EP300: variants seen among roughly 807,000 people sequenced by gnomAD.
EP300 encodes histone acetyltransferase p300.
Under a neutral mutation model 264.0 loss-of-function variants are expected in EP300, and 31 were observed. That is an observed-to-expected ratio of 0.12 (90% confidence interval 0.09 to 0.16). The LOEUF is 0.16. Ranked by LOEUF, EP300 falls within the 10% of genes least tolerant of loss-of-function variation. The pLI is 1.00. For missense variants in EP300, 2,766 were observed against 3,052.9 expected, an observed-to-expected ratio of 0.91 and a Z score of 2.21; for synonymous variants, 1,340 against 1,045.4, an observed-to-expected ratio of 1.28 and a Z score of -5.44.
At chr22:41,170,062 T>C (rs2059161126) in intron 26 of EP300, among the ~76,000 whole-genome samples, 1 of 152,388 alleles carries the variant, frequency 6.6e-6, no homozygotes, top group Admixed American at 6.5e-5. Context: ...TTAGCTCTTG[T>C]TAAATGGGTC....
chr22:41,100,086 A>T (rs1216488463), intron 1 of EP300, among the ~76,000 whole-genome samples: 4 of 152,138 alleles, frequency 2.6e-5, no homozygotes, highest in African/African-American at 9.7e-5. Context: ...TTAAAAAGTC[A>T]GCAAGGCATG....
At chr22:41,100,042 C>T (rs1419683707) in intron 1 of EP300, among the ~76,000 whole-genome samples, 1 of 152,006 alleles carries the variant, frequency 6.6e-6, no homozygotes, top group Non-Finnish European at 1.5e-5. Context: ...TGTAGTGGGA[C>T]CCCCCATCCC....
Position 41,093,025 on chromosome 22 carries a change from A to T in EP300, c.21A>T (p.Glu7Asp). MAENVVEPGPPSAKRPK... is the reference protein window; with the variant it reads MAENVVDPGPPSAKRPK... ...TAAAAATGGCCGAGAATGTGGTGGAACCGGGGCCGCCTTCAGCCAAGCGGC... is the reference window on the plus strand; with the variant it reads ...TAAAAATGGCCGAGAATGTGGTGGATCCGGGGCCGCCTTCAGCCAAGCGGC... The change falls in exon 1 of 31, where the codon GAA becomes GAT. Residue 7 changes from glutamate (E) to aspartate (D), a missense_variant. Physicochemically the swap from Glu to Asp is conservative, Grantham distance 45. Transcript: ENST00000263253. The T allele has an allele frequency of 6.2e-7, 1 of 1,613,862 alleles. No individual in the cohort carries two copies. The highest frequency in any genetic ancestry group is 8.5e-7 in the Non-Finnish European group (1 of 1,179,950).
At chr22:41,124,250 C>T (rs567816559) in intron 2 of EP300, among the ~76,000 whole-genome samples, 2 of 152,066 alleles carry the variant, frequency 1.3e-5, no homozygotes, top group Non-Finnish European at 2.9e-5. Flanking sequence ...GTCTCAAAAA[C>T]AGAGAAGTAC....
At chr22:41,111,992 A>G (rs1302158718) in intron 1 of EP300, among the ~76,000 whole-genome samples, 2 of 136,260 alleles carry the variant, frequency 1.5e-5, no homozygotes, top group East Asian at 2.3e-4. Flanking sequence ...GGTTCACGCC[A>G]TCCTCCTGCC....
At chr22:41,158,100 C>CT (rs1313066048) in intron 18 of EP300, among the ~76,000 whole-genome samples, 1 of 152,136 alleles carries the variant, frequency 6.6e-6, no homozygotes, top group Non-Finnish European at 1.5e-5. Context: ...CTAAGCTGGT[C>CT]TGGAACTCTT....
In EP300 at chr22:41,118,649, A is replaced by T. The variant is rs545183097; in HGVS notation, c.729+828A>T. On this transcript the variant is annotated intron_variant, in intron 2 of 30. Transcript: ENST00000263253. ...TGTAACAGGAATAATTTGAGCAGACATCAGGACTTCTGTGTTCCTGAGAAT... is the reference window on the plus strand; with the variant it reads ...TGTAACAGGAATAATTTGAGCAGACTTCAGGACTTCTGTGTTCCTGAGAAT... 3.3e-5 allele frequency among the ~76,000 whole-genome samples: 5 copies of T among 152,330 alleles called. No individual in the cohort carries two copies. The South Asian group carries it at 8.3e-4, about 25-fold the overall frequency.
Position 41,178,694 on chromosome 22 carries a change from C to T in EP300, c.6983C>T (p.Ser2328Phe). 1.2e-6 allele frequency: 2 copies of T among 1,614,192 alleles called. No homozygotes were observed. The highest frequency in any genetic ancestry group is 1.7e-6 in the Non-Finnish European group (2 of 1,180,040). ...PQSQPPHSSP[S>F]PRMQPQPSPH... The stretch of plus-strand genomic sequence containing the variant: ...TCCCAGCCCCCCCACTCCAGTCCTT[C>T]CCCAAGGATGCAGCCTCAGCCTTCT... The change falls in exon 31 of 31, where the codon TCC becomes TTC. Residue 2328 changes from serine to phenylalanine, a missense_variant. Coordinates refer to ENST00000263253, the MANE Select transcript of EP300 (RefSeq NM_001429.4).
intron 2 of EP300, 46 bp downstream of exon 2, chr22:41,117,867 T>C (rs931152644): frequency 2.5e-6 from 4 of 1,611,872 alleles, no homozygotes; most frequent in Non-Finnish European, 2.5e-6. Context: ...TGCATGTGAG[T>C]ATTGTCATGA....
intron 2 of EP300, among the ~76,000 whole-genome samples, chr22:41,121,205 T>C (rs1243296152): frequency 1.3e-5 from 2 of 152,232 alleles, no homozygotes; most frequent in Non-Finnish European, 2.9e-5. Flanking sequence ...GACGCATTTC[T>C]TGTAGCTGCC....
chr22:41,154,263 A>G (rs1439341762), intron 16 of EP300, among the ~76,000 whole-genome samples: 4 of 152,060 alleles, frequency 2.6e-5, no homozygotes, highest in Non-Finnish European at 5.9e-5. Flanking sequence ...GTAGTATAAG[A>G]CAATACCTGA....
At chr22:41,172,726 A>T (rs909392417) in intron 28 of EP300, 63 bp downstream of exon 28, 1 of 1,538,484 alleles carries the variant, frequency 6.5e-7, no homozygotes, top group South Asian at 1.2e-5. Flanking sequence ...CCAGAAGTGC[A>T]CTTAAACTTT....
chr22:41,173,912 G>C, intron 29 of EP300, 128 bp downstream of exon 29: 2 of 1,030,792 alleles, frequency 1.9e-6, no homozygotes, highest in Non-Finnish European at 3.0e-6. Flanking sequence ...AGGAGTTCAA[G>C]ACCAGCCTGA....
chr22:41,098,290 GGT>G (rs1456006763), intron 1 of EP300, among the ~76,000 whole-genome samples: 5 of 152,100 alleles, frequency 3.3e-5, no homozygotes, highest in African/African-American at 1.2e-4. Context: ...TAATAATTGA[GGT>G]GTTAAGCCTC....
At chr22:41,164,206 T>TTG in intron 22 of EP300, 76 bp downstream of exon 22, 3 of 1,264,320 alleles carry the variant, frequency 2.4e-6, no homozygotes, top group Non-Finnish European at 3.5e-6. Flanking sequence ...TTCTATGCAA[T>TTG]TGACTGTATT....
chr22:41,177,613 A>C lies in EP300; in HGVS notation c.5902A>C (p.Asn1968His). 1 of 1,614,122 alleles carries C rather than the reference A, an allele frequency of 6.2e-7. No individual in the cohort carries two copies. Among genetic ancestry groups the C allele is most frequent in the Non-Finnish European group, 8.5e-7 (1 of 1,180,020 alleles). The change falls in exon 31 of 31, where the codon AAC becomes CAC. Residue 1968 changes from asparagine (N) to histidine (H), a missense_variant. Physicochemically the swap from Asn to His is moderately conservative, Grantham distance 68 (BLOSUM62 1). Coordinates refer to ENST00000263253, the MANE Select transcript of EP300 (RefSeq NM_001429.4). ...PMTPMAPMGM[N>H]PPPMTRGPSG... ...GACTCCCATGGCCCCCATGGGTATGAACCCACCTCCCATGACCAGAGGTCC... is the reference window on the plus strand; with the variant it reads ...GACTCCCATGGCCCCCATGGGTATGCACCCACCTCCCATGACCAGAGGTCC...
intron 2 of EP300, among the ~76,000 whole-genome samples, chr22:41,123,681 A>G (rs547079509): frequency 2.0e-5 from 3 of 152,304 alleles, no homozygotes; most frequent in African/African-American, 4.8e-5. Flanking sequence ...TGTTTGCTCA[A>G]TGTTTCTAGT....
rs756515164 is a variant in EP300, at chr22:41,177,329, C to T, written c.5618C>T (p.Ser1873Phe). ...PTTPQTPQPTSQPQPTPPNSM... is the reference protein window; with the variant it reads ...PTTPQTPQPTFQPQPTPPNSM... ...ACCCCGCAGACGCCCCAGCCCACTT[C>T]TCAGCCTCAGCCTACCCCTCCCAAT... The change falls in exon 31 of 31, where the codon TCT becomes TTT. Residue 1873 changes from serine to phenylalanine, a missense_variant. Ser to Phe is a radical substitution (Grantham distance 155). Transcript: ENST00000263253. 1.9e-6 allele frequency: 3 copies of T among 1,614,064 alleles called. No homozygotes were observed. Among genetic ancestry groups the T allele is most frequent in the Non-Finnish European group, 2.5e-6 (3 of 1,180,016 alleles).
In EP300 at chr22:41,131,615, C is replaced by T. The variant is rs551859098; in HGVS notation, c.1510C>T (p.Arg504Trp). 1.9e-6 allele frequency: 3 copies of T among 1,614,108 alleles called. No homozygotes were observed. Among genetic ancestry groups the T allele is most frequent in the Non-Finnish European group, 2.5e-6 (3 of 1,180,030 alleles). ...QQPGQSPQGMRPMSNMSASPM... is the reference protein window; with the variant it reads ...QQPGQSPQGMWPMSNMSASPM... ...GCCTGGGCAGTCTCCCCAAGGCATG[C>T]GGCCCATGAGCAACATGAGTAAGTT... Residue 504 changes from arginine to tryptophan, a missense_variant, in exon 6 of 31, where the codon CGG (arginine) becomes TGG (tryptophan). Arg to Trp is a moderately radical substitution (Grantham distance 101). Transcript: ENST00000263253.
Sources: gnomAD v4.1 joint callset for allele counts (sites outside exome capture counted in the v4.1 genomes callset) on GRCh38, gnomAD v4.1.1 for gene constraint, MANE v1.5 for transcripts, NCBI Gene and HGNC (gene_info 2026-07-23, HGNC 2026-07-21) for gene names.